The following PRKDC variants were observed in gnomAD, a reference collection of about 807,000 sequenced individuals.
PRKDC encodes DNA-dependent protein kinase catalytic subunit.
A neutral mutation model predicts 486.9 loss-of-function variants in PRKDC; 82 were observed. The observed-to-expected ratio is 0.17, with a 90% CI of 0.14 to 0.20. PRKDC has a LOEUF of 0.20. Among genes scored for constraint, PRKDC ranks in the 10% least tolerant of loss-of-function variants. The pLI, the probability that PRKDC is intolerant of heterozygous loss-of-function variation, is 1.00. For synonymous variants in PRKDC, 1,895 were observed against 1,837.0 expected (o/e 1.03, Z -0.81); for missense variants, 4,504 against 5,038.2 (o/e 0.89, Z 3.21).
At position 47,859,628 on chromosome 8, in the gene PRKDC, C is replaced by CAGTGGG; in HGVS notation, c.6189_6190insCCCACT (p.Thr2063_Gly2064insProThr). The stretch of plus-strand genomic sequence containing the variant: ...GTGATCACCCGTCTCCGAAAACGAC[C>CAGTGGG]AGTGGCAGGTCTAGGGTCTTGGGAG... On this transcript the variant is annotated inframe_insertion, in exon 46 of 86. Transcript: ENST00000314191. The CAGTGGG allele has an allele frequency of 6.2e-7, 1 of 1,609,848 alleles. No homozygotes were observed. Among genetic ancestry groups the CAGTGGG allele is most frequent in the South Asian group, 1.1e-5 (1 of 89,742 alleles).
rs539568344 is a variant in PRKDC at position 47,811,837 on chromosome 8, C to T, written c.9558-4511G>A. Among the ~76,000 whole-genome samples the T allele has an allele frequency of 2.0e-3, 309 of 152,160 alleles. 2 individuals are homozygous for T. The highest frequency in any genetic ancestry group is 7.2e-3 in the African/African-American group (298 of 41,522). On this transcript the variant is annotated intron_variant, in intron 68 of 85. Transcript: ENST00000314191. ...ACTAAAAAATACAAAATTAGCTGGGCGTGGTGGCACATGCCTGTAAACCCG... is the reference window on the plus strand; with the variant it reads ...ACTAAAAAATACAAAATTAGCTGGGTGTGGTGGCACATGCCTGTAAACCCG...
rs8178016 is a variant in PRKDC at position 47,939,768 on chromosome 8, C to T, written c.967-71G>A. The stretch of plus-strand genomic sequence containing the variant: ...TGGAATCTATACAAACATGGAAAAA[C>T]TAGAACTGTTTAGATGCTACTAATG... On this transcript the variant is annotated intron_variant, in intron 10 of 85. Transcript: ENST00000314191. 95,198 of 1,300,614 alleles carry T rather than the reference C, an allele frequency of 0.073. 5,839 individuals are homozygous for T. The highest frequency in any genetic ancestry group is 0.24 in the Admixed American group (9,165 of 37,576). 80.6% of individuals were successfully genotyped at this position (1,300,614 alleles called of 1,614,324 possible).
chr8:47,946,316 C>CAA (rs530286562), intron 7 of PRKDC, among the ~76,000 whole-genome samples: 1 of 150,454 alleles, frequency 6.6e-6, no homozygotes, highest in Non-Finnish European at 1.5e-5. Context: ...GACTCTGCCT[C>CAA]AAAAAAAAAC....
chr8:47,818,646 T>C (rs1301768890), intron 67 of PRKDC, among the ~76,000 whole-genome samples: 1 of 147,732 alleles, frequency 6.8e-6, no homozygotes, highest in Non-Finnish European at 1.5e-5. Flanking sequence ...CTCCTGAAAG[T>C]AGAATGCACT....
At position 47,950,735 on chromosome 8, in the gene PRKDC, A is replaced by G. The variant is rs112843014; in HGVS notation, c.721+2885T>C. Reference sequence around the variant, plus strand: ...GTGGCAGGTCATGCCTATAATCCCAATGCTTTGGAGACTGAGGTGGGAGGG... The same window carrying G: ...GTGGCAGGTCATGCCTATAATCCCAGTGCTTTGGAGACTGAGGTGGGAGGG... On this transcript the variant is annotated intron_variant, in intron 7 of 85. Transcript: ENST00000314191. 7.1e-3 allele frequency among the ~76,000 whole-genome samples: 1,075 copies of G among 152,284 alleles called. 17 individuals are homozygous for G. Among genetic ancestry groups the G allele is most frequent in the African/African-American group, 0.025 (1,039 of 41,554 alleles).
At chr8:47,775,822 CTT>C (rs377519551) in intron 85 of PRKDC, among the ~76,000 whole-genome samples, 5 of 138,588 alleles carry the variant, frequency 3.6e-5, no homozygotes, top group Admixed American at 1.5e-4. Flanking sequence ...ACTCCTATTC[CTT>C]TTTTTTTTTT....
rs762976408 is a variant in PRKDC at position 47,820,862 on chromosome 8, T to C, written c.9193A>G (p.Ile3065Val). The change falls in exon 66 of 86, where the codon ATT becomes GTT. Residue 3065 changes from isoleucine (I) to valine (V), a missense_variant. By Grantham distance (29) the Ile-to-Val change is conservative. Around this residue, in one of 6 missense-constraint regions of PRKDC, gnomAD observed 1,592 missense variants for 1,724.6 expected, o/e 0.92. Coordinates refer to ENST00000314191, the MANE Select transcript of PRKDC (RefSeq NM_006904.7). ...GEADQSLLTF[I>V]DKAMHGELQK... is the part of the protein sequence containing the mutation. Reference sequence around the variant, plus strand: ...AGCTCCCCGTGCATAGCTTTGTCAATAAATGTCAGCAGGGACTGGTCAGCC... The same window carrying C: ...AGCTCCCCGTGCATAGCTTTGTCAACAAATGTCAGCAGGGACTGGTCAGCC... 1 of 1,611,938 alleles carries C rather than the reference T, an allele frequency of 6.2e-7. No individual in the cohort carries two copies. Among genetic ancestry groups the C allele is most frequent in the South Asian group, 1.1e-5 (1 of 90,822 alleles).
At chr8:47,837,063 G>A (rs1347245118) in intron 57 of PRKDC, 149 bp downstream of exon 57, 1 of 841,090 alleles carries the variant, frequency 1.2e-6, no homozygotes, top group African/African-American at 1.7e-5. Context: ...ACCTCCAGGT[G>A]GCTGAAGCAG....
chr8:47,855,612 C>CCCAT (rs2088519470), intron 49 of PRKDC, among the ~76,000 whole-genome samples: 1 of 152,220 alleles, frequency 6.6e-6, no homozygotes, highest in African/African-American at 2.4e-5. Context: ...GCCACCATGC[C>CCCAT]CCATGCATGC....
chr8:47,957,715 C>T (rs544559890), intron 1 of PRKDC, among the ~76,000 whole-genome samples: 22 of 152,174 alleles, frequency 1.4e-4, no homozygotes, highest in East Asian at 1.2e-3. Context: ...GGGGTTTCAC[C>T]GTGTTAGCCA....
Position 47,783,818 on chromosome 8 carries a change from A to G in PRKDC, c.11108-9T>C, listed in dbSNP as rs1717712410. On this transcript the variant is annotated splice_polypyrimidine_tract_variant and intron_variant, in intron 77 of 85. Coordinates refer to ENST00000314191, the MANE Select transcript of PRKDC (RefSeq NM_006904.7). ...CCTACCGTCATACTGACCTAAAACA[A>G]ACCAGAACCTTGCTTAGGAACAGCT... The G allele has an allele frequency of 6.2e-7, 1 of 1,613,842 alleles. No homozygotes were observed. The highest frequency in any genetic ancestry group is 1.3e-5 in the African/African-American group (1 of 75,018).
rs1283749735 is a variant in PRKDC at position 47,817,493 on chromosome 8, T to C, written c.9514A>G (p.Lys3172Glu). 3.1e-6 allele frequency: 5 copies of C among 1,608,178 alleles called. No individual in the cohort carries two copies. Among genetic ancestry groups the C allele is most frequent in the Admixed American group, 1.7e-5 (1 of 59,242 alleles). The change falls in exon 68 of 86, where the codon AAA becomes GAA. Residue 3172 changes from lysine to glutamate, a missense_variant. Coordinates refer to ENST00000314191, the MANE Select transcript of PRKDC (RefSeq NM_006904.7). ...NTWTNRYPDA[K>E]MDPMNIWDDI... Reference sequence around the variant, plus strand: ...TCCCAGATGTTCATTGGGTCCATTTTAGCATCTGGATATCTGTTTGTCCAG... The same window carrying C: ...TCCCAGATGTTCATTGGGTCCATTTCAGCATCTGGATATCTGTTTGTCCAG...
At chr8:47,869,283 G>A (rs894737405) in intron 40 of PRKDC, among the ~76,000 whole-genome samples, 19 of 151,452 alleles carry the variant, frequency 1.3e-4, no homozygotes, top group African/African-American at 4.6e-4. Flanking sequence ...CTTGAGGACA[G>A]GAAGGGGAGA....
At chr8:47,916,741 A>G (rs527739794) in intron 22 of PRKDC, among the ~76,000 whole-genome samples, 1 of 152,274 alleles carries the variant, frequency 6.6e-6, no homozygotes, top group Admixed American at 6.5e-5. Flanking sequence ...TAGCTGTCAC[A>G]CTTTTCTACG....
chr8:47,876,214 A>C (rs2089089567), intron 40 of PRKDC, among the ~76,000 whole-genome samples: 2 of 152,230 alleles, frequency 1.3e-5, no homozygotes, highest in Non-Finnish European at 1.5e-5. Flanking sequence ...GGAACTATAT[A>C]CTTACAGTGG....
At chr8:47,930,100 C>T in intron 17 of PRKDC, 88 bp from the exon 18 acceptor site, 1 of 1,142,716 alleles carries the variant, frequency 8.8e-7, no homozygotes, top group Non-Finnish European at 1.3e-6. Context: ...AACTAAGCTA[C>T]AAACCCATCA....
intron 51 of PRKDC, 139 bp from the exon 52 acceptor site, chr8:47,852,923 C>T: frequency 1.5e-6 from 1 of 648,282 alleles, no homozygotes; most frequent in Non-Finnish European, 2.7e-6. Flanking sequence ...ATGCAAATTC[C>T]ATGCACAAAT....
In PRKDC at chr8:47,836,536, A is replaced by G. The variant is rs1478333574; in HGVS notation, c.7762-9T>C. On this transcript the variant is annotated splice_polypyrimidine_tract_variant and intron_variant, in intron 57 of 85. Coordinates refer to ENST00000314191, the MANE Select transcript of PRKDC (RefSeq NM_006904.7). Reference sequence around the variant, plus strand: ...GAATCAATGGTATATTCCTGTACATAAGAAAGTTTCAAATGAAATAAAGTT... The same window carrying G: ...GAATCAATGGTATATTCCTGTACATGAGAAAGTTTCAAATGAAATAAAGTT... 1.3e-6 allele frequency: 2 copies of G among 1,573,040 alleles called. No individual in the cohort carries two copies. Among genetic ancestry groups the G allele is most frequent in the African/African-American group, 1.4e-5 (1 of 73,960 alleles).
rs764210861 is a variant in PRKDC at position 47,820,968 on chromosome 8, T to C, written c.9112-25A>G. The C allele has an allele frequency of 8.9e-6, 13 of 1,461,416 alleles. No individual in the cohort carries two copies. The South Asian group carries it at 2.0e-4, about 22-fold the overall frequency. 90.5% of individuals were successfully genotyped at this position (1,461,416 alleles called of 1,614,324 possible). ...CCTAAGGAACATAAAAATATACTTG[T>C]AACTACAGAAGGCCAATTTGAGTAT... is the stretch of plus-strand genomic sequence containing the variant. On this transcript the variant is annotated intron_variant, in intron 65 of 85. Transcript: ENST00000314191.
Sources: gnomAD v4.1 joint callset for allele counts (sites outside exome capture counted in the v4.1 genomes callset) on GRCh38, gnomAD v4.1.1 for gene constraint, gnomAD v4.1.1 regional missense constraint, MANE v1.5 for transcripts, NCBI Gene and HGNC (gene_info 2026-07-23, HGNC 2026-07-21) for gene names.